The following PPP2R2C variants were observed in gnomAD, a reference collection of about 807,000 sequenced individuals.
The protein encoded by PPP2R2C is protein phosphatase 2, regulatory subunit B, gamma.
In PPP2R2C, 10 loss-of-function variants were observed where a neutral mutation model predicts 45.3. The observed-to-expected ratio is 0.22, with a 90% CI of 0.14 to 0.37. PPP2R2C has a LOEUF of 0.37. Ranked by LOEUF, PPP2R2C falls within the 10% of genes least tolerant of loss-of-function variation. PPP2R2C has a pLI of 1.00. For synonymous variants in PPP2R2C, 257 were observed against 245.4 expected, an observed-to-expected ratio of 1.05 and a Z score of -0.44; for missense variants, 308 against 619.7, an observed-to-expected ratio of 0.50 and a Z score of 5.34.
intron 4 of PPP2R2C, among the ~76,000 whole-genome samples, chr4:6,375,216 C>T (rs916087547): frequency 6.6e-6 from 1 of 152,180 alleles, no homozygotes; most frequent in South Asian, 2.1e-4. Context: ...TGCAATTTGC[C>T]AGTCATTTAG....
intron 1 of PPP2R2C, among the ~76,000 whole-genome samples, chr4:6,548,672 G>T (rs1225164373): frequency 6.6e-6 from 1 of 152,294 alleles, no homozygotes; most frequent in South Asian, 2.1e-4. Context: ...CAGGGCAAAG[G>T]CTGCCTGCCA....
chr4:6,406,738 C>G (rs923372671), intron 1 of PPP2R2C, among the ~76,000 whole-genome samples: 3 of 152,050 alleles, frequency 2.0e-5, no homozygotes, highest in South Asian at 2.1e-4. Context: ...GCCAGGGAAA[C>G]AGGGAAAAAC....
chr4:6,504,288 G>C (rs1458183264), intron 2 of PPP2R2C, among the ~76,000 whole-genome samples: 1 of 152,186 alleles, frequency 6.6e-6, no homozygotes, highest in East Asian at 1.9e-4. Context: ...GCTACCTTCT[G>C]CAAGGGGGAC....
At chr4:6,553,741 T>C (rs1239814556) in intron 1 of PPP2R2C, among the ~76,000 whole-genome samples, 1 of 152,214 alleles carries the variant, frequency 6.6e-6, no homozygotes, top group Non-Finnish European at 1.5e-5. Context: ...AGGGCTGCCA[T>C]GCTCAGTAGA....
chr4:6,528,530 A>C (rs570964811), intron 2 of PPP2R2C, among the ~76,000 whole-genome samples: 79 of 63,694 alleles, frequency 1.2e-3, no homozygotes, highest in African/African-American at 6.9e-3. Flanking sequence ...GGCGTCTGAG[A>C]GCCAGTGTGT....
intron 2 of PPP2R2C, among the ~76,000 whole-genome samples, chr4:6,487,696 T>C (rs1338916255): frequency 6.6e-6 from 1 of 152,130 alleles, no homozygotes; most frequent in African/African-American, 2.4e-5. Context: ...TGTGGTTTTT[T>C]CCCATTTTTA....
intron 3 of PPP2R2C, among the ~76,000 whole-genome samples, chr4:6,377,501 A>G (rs1470890740): frequency 4.6e-5 from 7 of 152,136 alleles, no homozygotes; most frequent in African/African-American, 7.2e-5. Context: ...CTACTAAAAA[A>G]TACAAAAATT....
Position 6,329,253 on chromosome 4 carries a change from A to G in PPP2R2C, c.1052+9T>C. On this transcript the variant is annotated intron_variant, in intron 8 of 8. Coordinates refer to ENST00000382599, the MANE Select transcript of PPP2R2C (RefSeq NM_020416.4). The surrounding 1 kb of genome is among the most constrained non-coding windows in gnomAD (Gnocchi z 5.8). ...GTGAGGTGAGGTGCGGGCTGAGGTC[A>G]GGGCTTACCTGTCGCTCCCGTTCCA... 6.2e-7 allele frequency: 1 copy of G among 1,612,724 alleles called. No individual in the cohort carries two copies. The highest frequency in any genetic ancestry group is 8.5e-7 in the Non-Finnish European group (1 of 1,178,854).
chr4:6,472,395 CGGGG>C lies in PPP2R2C; in HGVS notation c.-170_-167del. ...CGGCAGGGGGACGGGCGGGGGCGGC[CGGGG>C]GCGGGCGCCGCGGTCAAGCGAGCGC... On this transcript the variant is annotated 5_prime_UTR_variant, in exon 1 of 9. Transcript: ENST00000382599. The C allele has an allele frequency of 1.9e-6, 1 of 519,644 alleles. No individual in the cohort carries two copies. Among genetic ancestry groups the C allele is most frequent in the Non-Finnish European group, 2.4e-6 (1 of 410,130 alleles). 32.2% of individuals were successfully genotyped at this position (519,644 alleles called of 1,614,324 possible).
Position 6,511,540 on chromosome 4 carries a change from GT to G in PPP2R2C, c.49+23730del, listed in dbSNP as rs1723494072. Among the ~76,000 whole-genome samples the G allele has an allele frequency of 1.4e-4, 3 of 21,156 alleles. 1 individual carries two copies. The highest frequency in any genetic ancestry group is 3.3e-4 in the African/African-American group (3 of 9,134). 13.9% of individuals were successfully genotyped at this position (21,156 alleles called of 152,430 possible). A position where few individuals can be genotyped will look rare whatever the true frequency, so the allele number is the denominator to read the frequency against. ...GGTGGTGGTGATGGTGGTGGTGGTG[GT>G]GGTGATGGTGGTGGTGGTGGTGGTG... On this transcript the variant is annotated intron_variant, in intron 2 of 9. Transcript: ENST00000506140.
At chr4:6,534,122 C>T (rs752058122) in intron 2 of PPP2R2C, among the ~76,000 whole-genome samples, 111 of 149,576 alleles carry the variant, frequency 7.4e-4, no homozygotes, top group Non-Finnish European at 1.5e-3. Context: ...ACATACACAT[C>T]AACACATACA....
At chr4:6,408,397 C>G (rs1717940541) in intron 1 of PPP2R2C, among the ~76,000 whole-genome samples, 1 of 152,198 alleles carries the variant, frequency 6.6e-6, no homozygotes, top group Non-Finnish European at 1.5e-5. Flanking sequence ...CTGCCCTCCA[C>G]TGATTGGATC....
intron 2 of PPP2R2C, among the ~76,000 whole-genome samples, chr4:6,511,284 G>GGTA (rs1414814310): frequency 8.6e-5 from 13 of 152,006 alleles, no homozygotes; most frequent in Non-Finnish European, 1.6e-4. Flanking sequence ...TGATGCTGAT[G>GGTA]CTGATGCTGA....
intron 2 of PPP2R2C, among the ~76,000 whole-genome samples, chr4:6,515,819 G>A (rs1267995647): frequency 2.0e-5 from 3 of 152,166 alleles, no homozygotes; most frequent in South Asian, 2.1e-4. Context: ...GTCCAAGATC[G>A]AGGTGTCCGG....
At chr4:6,497,149 A>C (rs1350922103) in intron 2 of PPP2R2C, among the ~76,000 whole-genome samples, 1 of 152,150 alleles carries the variant, frequency 6.6e-6, no homozygotes, top group Non-Finnish European at 1.5e-5. Flanking sequence ...AGGAAACAGC[A>C]CCATGAGCAC....
intron 2 of PPP2R2C, among the ~76,000 whole-genome samples, chr4:6,486,239 A>T (rs772702970): frequency 1.3e-5 from 2 of 152,068 alleles, no homozygotes; most frequent in Admixed American, 6.5e-5. Flanking sequence ...ATGACAGAAC[A>T]TACTTTTTGT....
intron 2 of PPP2R2C, among the ~76,000 whole-genome samples, chr4:6,534,848 T>G (rs2108826189): frequency 6.6e-6 from 1 of 152,364 alleles, no homozygotes; most frequent in African/African-American, 2.4e-5. Context: ...CCGCTCAGTG[T>G]GAGCCTCAGG....
intron 1 of PPP2R2C, among the ~76,000 whole-genome samples, chr4:6,550,438 T>C (rs1725146136): frequency 2.0e-5 from 3 of 152,286 alleles, no homozygotes; most frequent in Admixed American, 2.0e-4. Context: ...AACTTCACCC[T>C]TCACTAACAA....
chr4:6,393,852 G>C (rs543951977), intron 1 of PPP2R2C, among the ~76,000 whole-genome samples: 379 of 152,346 alleles, frequency 2.5e-3, no homozygotes, highest in Non-Finnish European at 4.1e-3. Context: ...TTTGACTCTA[G>C]CCAGGCTGGA....
Sources: gnomAD v4.1 joint callset for allele counts (sites outside exome capture counted in the v4.1 genomes callset) on GRCh38, gnomAD v4.1.1 for gene constraint, Gnocchi (gnomAD v3.1) non-coding constraint, MANE v1.5 for transcripts, NCBI Gene and HGNC (gene_info 2026-07-23, HGNC 2026-07-21) for gene names.